The following PABPC1L2B variants were observed in gnomAD, a reference collection of about 807,000 sequenced individuals.
PABPC1L2B encodes poly(A) binding protein cytoplasmic 1 like 2B, also known as polyadenylate-binding protein 1-like 2.
For synonymous variants in PABPC1L2B, 7 were observed against 7.1 expected, an observed-to-expected ratio of 0.99 and a Z score of 0.02; for missense variants, 5 against 16.4, an observed-to-expected ratio of 0.30 and a Z score of 1.20.
chrX:73,003,516 T>G lies in PABPC1L2B; in HGVS notation c.-127T>G. ...TGGGGGAGGCGGAGGCGGATGCGGATGCGGATGCGGATGCGAATGCGAAGG... is the reference window on the plus strand; with the variant it reads ...TGGGGGAGGCGGAGGCGGATGCGGAGGCGGATGCGGATGCGAATGCGAAGG... On this transcript the variant is annotated 5_prime_UTR_variant, in exon 1 of 1. The change abolishes an upstream ATG in the 5' untranslated region. Transcript: ENST00000373521. 2.5e-6 allele frequency: 2 copies of G among 785,506 alleles called. No homozygotes were observed. The highest frequency in any genetic ancestry group is 1.6e-6 in the Non-Finnish European group (1 of 629,646). The allele number at this position is 785,506 out of a possible 1,213,427, so 64.7% of individuals were successfully genotyped here.
chrX:73,004,370 GTC>G lies in PABPC1L2B; in HGVS notation c.*144_*145del, dbSNP rs782761503. Reference sequence around the variant, plus strand: ...TGTATTTATTGTATTGAGAGTGCAGGTCTCTCTCTCTCTCTCTCTCCCCTTCT... The same window carrying G: ...TGTATTTATTGTATTGAGAGTGCAGGTCTCTCTCTCTCTCTCTCCCCTTCT... On this transcript the variant is annotated 3_prime_UTR_variant, in exon 1 of 1. Transcript: ENST00000373521. 0.019 allele frequency: 307 copies of G among 16,237 alleles called. No individual in the cohort carries two copies. The highest frequency in any genetic ancestry group is 2.2e-3 in the African/African-American group (5 of 2,298). The allele number at this position is 16,237 out of a possible 1,213,427, so 1.3% of individuals were successfully genotyped here.
chrX:73,003,490 T>G lies in PABPC1L2B; in HGVS notation c.-153T>G, dbSNP rs1310940029. The G allele has an allele frequency of 2.1e-5, 15 of 707,631 alleles. No homozygotes were observed. Among genetic ancestry groups the G allele is most frequent in the Non-Finnish European group, 2.7e-5 (15 of 562,839 alleles). 58.3% of individuals were successfully genotyped at this position (707,631 alleles called of 1,213,427 possible). A position where few individuals can be genotyped will look rare whatever the true frequency, so the allele number is the denominator to read the frequency against. On this transcript the variant is annotated 5_prime_UTR_variant, in exon 1 of 1. Coordinates refer to ENST00000373521, the MANE Select transcript of PABPC1L2B (RefSeq NM_001042506.2). ...CGCAGCGGAGGCTGCGGGGCCCCCC[T>G]TGGGGGAGGCGGAGGCGGATGCGGA...
rs1479993343 is a variant in PABPC1L2B at position 73,005,896 on chromosome X, A to G, written c.*1651A>G. ...AACAAGATCACAGTGCACAAACATTACATTCATGTTTATTTCCTGAACAAA... is the reference window on the plus strand; with the variant it reads ...AACAAGATCACAGTGCACAAACATTGCATTCATGTTTATTTCCTGAACAAA... On this transcript the variant is annotated 3_prime_UTR_variant, in exon 1 of 1. Transcript: ENST00000373521. 8.9e-6 allele frequency among the ~76,000 whole-genome samples: 1 copy of G among 112,062 alleles called. No individual in the cohort carries two copies. The highest frequency in any genetic ancestry group is 1.9e-5 in the Non-Finnish European group (1 of 53,229).
rs2055180516 is a variant in PABPC1L2B, at chrX:73,005,157, GC to G, written c.*917del. 8.9e-6 allele frequency: 1 copy of G among 111,768 alleles called. No homozygotes were observed. Among genetic ancestry groups the G allele is most frequent in the Admixed American group, 1.1e-4 (1 of 8,992 alleles). 9.2% of individuals were successfully genotyped at this position (111,768 alleles called of 1,213,427 possible). A position where few individuals can be genotyped will look rare whatever the true frequency, so the allele number is the denominator to read the frequency against. ...GACTTTTCCTGTGTGTTGCCAAAAG[GC>G]CCCCTTCATAAGCATTGTACCGATT... On this transcript the variant is annotated 3_prime_UTR_variant, in exon 1 of 1. Coordinates refer to ENST00000373521, the MANE Select transcript of PABPC1L2B (RefSeq NM_001042506.2).
Position 73,003,503 on chromosome X carries a change from A to AT in PABPC1L2B, c.-140_-139insT, listed in dbSNP as rs2055172769. 1 of 790,496 alleles carries AT rather than the reference A, an allele frequency of 1.3e-6. No homozygotes were observed. Among genetic ancestry groups the AT allele is most frequent in the Non-Finnish European group, 1.6e-6 (1 of 634,388 alleles). 65.1% of individuals were successfully genotyped at this position (790,496 alleles called of 1,213,427 possible). ...GCGGGGCCCCCCTTGGGGGAGGCGG[A>AT]GGCGGATGCGGATGCGGATGCGGAT... On this transcript the variant is annotated 5_prime_UTR_variant, in exon 1 of 1. It adds an upstream start codon to the 5' untranslated region. Transcript: ENST00000373521.
rs1178872380 is a variant in PABPC1L2B at position 73,005,262 on chromosome X, CGTGT to C, written c.*1023_*1026del. 1 of 121,784 alleles carries C rather than the reference CGTGT, an allele frequency of 8.2e-6. No individual in the cohort carries two copies. The highest frequency in any genetic ancestry group is 4.0e-4 in the South Asian group (1 of 2,482). 10.0% of individuals were successfully genotyped at this position (121,784 alleles called of 1,213,427 possible). On this transcript the variant is annotated 3_prime_UTR_variant, in exon 1 of 1. Transcript: ENST00000373521. ...TAGCCTCCTGGTCACTGTAATTGATCGTGTGTGTGCGTGCGTGCGTGTGTGCATG... is the reference window on the plus strand; with the variant it reads ...TAGCCTCCTGGTCACTGTAATTGATCGTGTGCGTGCGTGCGTGTGTGCATG...
chrX:73,004,532 CT>C lies in PABPC1L2B; in HGVS notation c.*288del, dbSNP rs2147907035. 2.0e-6 allele frequency: 1 copy of C among 489,395 alleles called. No homozygotes were observed. The highest frequency in any genetic ancestry group is 3.4e-6 in the Non-Finnish European group (1 of 290,338). 40.3% of individuals were successfully genotyped at this position (489,395 alleles called of 1,213,427 possible). A position where few individuals can be genotyped will look rare whatever the true frequency, so the allele number is the denominator to read the frequency against. ...GTAGGTTAAAGGCTGCCTCTTCTCC[CT>C]GTGGTTTGGTTTAAAAAGCATTTTC... On this transcript the variant is annotated 3_prime_UTR_variant, in exon 1 of 1. Transcript: ENST00000373521.
Position 73,003,180 on chromosome X carries a change from T to G in PABPC1L2B, c.-463T>G, listed in dbSNP as rs2055171598. Among the ~76,000 whole-genome samples, 4 of 1,565 alleles carry G rather than the reference T, an allele frequency of 2.6e-3. No homozygotes were observed. The highest frequency in any genetic ancestry group is 0.017 in the African/African-American group (1 of 58). 1.4% of individuals were successfully genotyped at this position (1,565 alleles called of 115,157 possible). A position where few individuals can be genotyped will look rare whatever the true frequency, so the allele number is the denominator to read the frequency against. ...GTCCCCCAGCTCGCGGGAAGGGAGG[T>G]CGCGGCAGCGGCCCGGCGGCAGCGG... On this transcript the variant is annotated 5_prime_UTR_variant, in exon 1 of 1. Transcript: ENST00000373521.
chrX:73,005,766 G>GAT lies in PABPC1L2B; in HGVS notation c.*1529_*1530dup, dbSNP rs1385128924. 8.2e-6 allele frequency: 1 copy of GAT among 121,983 alleles called. No homozygotes were observed. Among genetic ancestry groups the GAT allele is most frequent in the East Asian group, 2.8e-4 (1 of 3,570 alleles). The allele number at this position is 121,983 out of a possible 1,213,427, so 10.1% of individuals were successfully genotyped here. A position where few individuals can be genotyped will look rare whatever the true frequency, so the allele number is the denominator to read the frequency against. ...TGTGATTGGGCTTCATAGAGTGATAGATATATATACATATTAGATATAGAT... is the reference window on the plus strand; with the variant it reads ...TGTGATTGGGCTTCATAGAGTGATAGATATATATATACATATTAGATATAGAT... On this transcript the variant is annotated 3_prime_UTR_variant, in exon 1 of 1. Transcript: ENST00000373521.
At position 73,003,525 on chromosome X, in the gene PABPC1L2B, G is replaced by C; in HGVS notation, c.-118G>C. The C allele has an allele frequency of 2.6e-6, 2 of 784,208 alleles. No individual in the cohort carries two copies. The highest frequency in any genetic ancestry group is 3.2e-6 in the Non-Finnish European group (2 of 628,289). 64.6% of individuals were successfully genotyped at this position (784,208 alleles called of 1,213,427 possible). On this transcript the variant is annotated 5_prime_UTR_variant, in exon 1 of 1. Transcript: ENST00000373521. ...CGGAGGCGGATGCGGATGCGGATGC[G>C]GATGCGAATGCGAAGGTGGCGGCCG...
rs1556364125 is a variant in PABPC1L2B, at chrX:73,003,735, C to A, written c.93C>A (p.Ile31=). Residue 31 remains isoleucine (I), a synonymous_variant, in exon 1 of 1, where the codon ATC becomes ATA. Coordinates refer to ENST00000373521, the MANE Select transcript of PABPC1L2B (RefSeq NM_001042506.2). ...GTCCAGCTGGGCCCATCCTCTCCAT[C>A]CGCATCTGCAGGGACAAGATCACCC... is the stretch of plus-strand genomic sequence containing the variant. The part of the protein sequence containing the change: ...KFSPAGPILS[I]RICRDKITRR... 1 of 252,915 alleles carries A rather than the reference C, an allele frequency of 4.0e-6. No homozygotes were observed. The highest frequency in any genetic ancestry group is 5.8e-6 in the Non-Finnish European group (1 of 173,020). The allele number at this position is 252,915 out of a possible 1,213,427, so 20.8% of individuals were successfully genotyped here. A position where few individuals can be genotyped will look rare whatever the true frequency, so the allele number is the denominator to read the frequency against.
Position 73,004,821 on chromosome X carries a change from T to TTTAGTTGC in PABPC1L2B, c.*578_*579insAGTTGCTT, listed in dbSNP as rs2055178847. 1 of 56,824 alleles carries TTTAGTTGC rather than the reference T, an allele frequency of 1.8e-5. No homozygotes were observed. Among genetic ancestry groups the TTTAGTTGC allele is most frequent in the South Asian group, 1.5e-3 (1 of 683 alleles). 4.7% of individuals were successfully genotyped at this position (56,824 alleles called of 1,213,427 possible). Reference sequence around the variant, plus strand: ...ATGTATGTGGTGTTTCTTAACCTGCTTTTTCAGCAACTAAAACCAAACAAA... The same window carrying TTTAGTTGC: ...ATGTATGTGGTGTTTCTTAACCTGCTTTAGTTGCTTTTCAGCAACTAAAACCAAACAAA... On this transcript the variant is annotated 3_prime_UTR_variant, in exon 1 of 1. Transcript: ENST00000373521.
rs1338779859 is a variant in PABPC1L2B at position 73,005,286 on chromosome X, T to G, written c.*1041T>G. 8.2e-6 allele frequency: 1 copy of G among 122,526 alleles called. No individual in the cohort carries two copies. The highest frequency in any genetic ancestry group is 3.3e-5 in the African/African-American group (1 of 30,458). 10.1% of individuals were successfully genotyped at this position (122,526 alleles called of 1,213,427 possible). ...TCGTGTGTGTGCGTGCGTGCGTGTG[T>G]GCATGCGTGTGTGTGTCTTTGTGTG... is the stretch of plus-strand genomic sequence containing the variant. On this transcript the variant is annotated 3_prime_UTR_variant, in exon 1 of 1. Coordinates refer to ENST00000373521, the MANE Select transcript of PABPC1L2B (RefSeq NM_001042506.2).
At position 73,006,070 on chromosome X, in the gene PABPC1L2B, G is replaced by A. The variant is rs1556364776; in HGVS notation, c.*1825G>A. ...GTGAGTGTACCTGGATACCTGTACA[G>A]TTTTTGAGACTTGGTATTAAATTAT... On this transcript the variant is annotated 3_prime_UTR_variant, in exon 1 of 1. Coordinates refer to ENST00000373521, the MANE Select transcript of PABPC1L2B (RefSeq NM_001042506.2). Among the ~76,000 whole-genome samples the A allele has an allele frequency of 9.0e-6, 1 of 111,682 alleles. No homozygotes were observed. Among genetic ancestry groups the A allele is most frequent in the Admixed American group, 9.5e-5 (1 of 10,513 alleles).
chrX:73,006,050 T>C lies in PABPC1L2B; in HGVS notation c.*1805T>C, dbSNP rs2147907634. Among the ~76,000 whole-genome samples the C allele has an allele frequency of 8.9e-6, 1 of 111,933 alleles. No individual in the cohort carries two copies. The highest frequency in any genetic ancestry group is 3.2e-5 in the African/African-American group (1 of 30,901). On this transcript the variant is annotated 3_prime_UTR_variant, in exon 1 of 1. Transcript: ENST00000373521. ...TCATAAAATATGCAGATATTGTGAG[T>C]GTACCTGGATACCTGTACAGTTTTT...
Position 73,005,461 on chromosome X carries a change from G to A in PABPC1L2B, c.*1216G>A, listed in dbSNP as rs1437742425. Reference sequence around the variant, plus strand: ...AGAAAAATAATTCAGCGTCATTGCAGGAAAAAAATAATCACGAAGCAGACA... The same window carrying A: ...AGAAAAATAATTCAGCGTCATTGCAAGAAAAAAATAATCACGAAGCAGACA... On this transcript the variant is annotated 3_prime_UTR_variant, in exon 1 of 1. Coordinates refer to ENST00000373521, the MANE Select transcript of PABPC1L2B (RefSeq NM_001042506.2). 8 of 122,547 alleles carry A rather than the reference G, an allele frequency of 6.5e-5. No individual in the cohort carries two copies. The highest frequency in any genetic ancestry group is 3.8e-4 in the South Asian group (1 of 2,638). 10.1% of individuals were successfully genotyped at this position (122,547 alleles called of 1,213,427 possible).
Position 73,006,084 on chromosome X carries a change from G to T in PABPC1L2B, c.*1839G>T, listed in dbSNP as rs2055187000. On this transcript the variant is annotated 3_prime_UTR_variant, in exon 1 of 1. Transcript: ENST00000373521. The stretch of plus-strand genomic sequence containing the variant: ...ATACCTGTACAGTTTTTGAGACTTG[G>T]TATTAAATTATTTATAATTTGAGAT... Among the ~76,000 whole-genome samples the T allele has an allele frequency of 9.0e-6, 1 of 111,334 alleles. No homozygotes were observed. Among genetic ancestry groups the T allele is most frequent in the Non-Finnish European group, 1.9e-5 (1 of 52,978 alleles).
Position 73,005,699 on chromosome X carries a change from A to T in PABPC1L2B, c.*1454A>T, listed in dbSNP as rs1556364690. On this transcript the variant is annotated 3_prime_UTR_variant, in exon 1 of 1. Transcript: ENST00000373521. ...TTCTTGAACTTTCATGTCATTAAAT[A>T]TTCTTCTAAAATAGTTTTCATGGAT... 2 of 123,245 alleles carry T rather than the reference A, an allele frequency of 1.6e-5. No homozygotes were observed. The highest frequency in any genetic ancestry group is 3.7e-5 in the Non-Finnish European group (2 of 53,342). The allele number at this position is 123,245 out of a possible 1,213,427, so 10.2% of individuals were successfully genotyped here. A position where few individuals can be genotyped will look rare whatever the true frequency, so the allele number is the denominator to read the frequency against.
At position 73,005,850 on chromosome X, in the gene PABPC1L2B, C is replaced by T. The variant is rs1169797396; in HGVS notation, c.*1605C>T. The stretch of plus-strand genomic sequence containing the variant: ...CGTCTGGGTTGTTTCATTTTGTTTT[C>T]TTATGCAAGCCAAAGCTGCCAACAA... On this transcript the variant is annotated 3_prime_UTR_variant, in exon 1 of 1. Transcript: ENST00000373521. The T allele has an allele frequency of 8.5e-6, 1 of 117,511 alleles. No homozygotes were observed. Among genetic ancestry groups the T allele is most frequent in the Non-Finnish European group, 1.9e-5 (1 of 53,093 alleles). The allele number at this position is 117,511 out of a possible 1,213,427, so 9.7% of individuals were successfully genotyped here.
Sources: allele counts gnomAD v4.1 joint callset (sites outside exome capture counted in the v4.1 genomes callset), GRCh38; gene constraint gnomAD v4.1.1; transcripts MANE v1.5; gene names NCBI Gene and HGNC (gene_info 2026-07-23, HGNC 2026-07-21).